Variants in NEGR1 observed in about 807,000 individuals in gnomAD.
NEGR1 encodes neuronal growth regulator 1, also known as IgLON family member 4.
Under a neutral mutation model 40.9 loss-of-function variants are expected in NEGR1, and 10 were observed. The observed-to-expected ratio is 0.24, with a 90% CI of 0.15 to 0.42. NEGR1 has a LOEUF of 0.42. Ranked by LOEUF, NEGR1 falls within the 10% of genes least tolerant of loss-of-function variation. The pLI is 1.00. For missense variants in NEGR1, 352 were observed against 438.9 expected, an observed-to-expected ratio of 0.80 and a Z score of 1.77; for synonymous variants, 185 against 166.8, an observed-to-expected ratio of 1.11 and a Z score of -0.84.
At chr1:71,909,026 A>G (rs1023781770) in intron 2 of NEGR1, among the ~76,000 whole-genome samples, 1 of 152,178 alleles carries the variant, frequency 6.6e-6, no homozygotes, top group African/African-American at 2.4e-5. Context: ...GTTTTTAAAC[A>G]TGCAACTCCC....
At chr1:71,798,732 A>C (rs537048576) in intron 2 of NEGR1, among the ~76,000 whole-genome samples, 2 of 152,286 alleles carry the variant, frequency 1.3e-5, no homozygotes, top group East Asian at 3.9e-4. Flanking sequence ...AGAAAACAAA[A>C]ACAGTAGAGC....
At chr1:71,888,258 G>A (rs1211576547) in intron 2 of NEGR1, among the ~76,000 whole-genome samples, 2 of 152,114 alleles carry the variant, frequency 1.3e-5, no homozygotes, top group African/African-American at 2.4e-5. Context: ...AGCTCCCAGC[G>A]TGAGCGACGC....
intron 1 of NEGR1, among the ~76,000 whole-genome samples, chr1:71,967,276 G>T (rs75345107): frequency 6.6e-6 from 1 of 152,044 alleles, no homozygotes; most frequent in East Asian, 1.9e-4. Context: ...GGATTATGAC[G>T]GTGGGAAAAG....
At chr1:71,519,900 TA>T (rs1383017835) in intron 6 of NEGR1, among the ~76,000 whole-genome samples, 1 of 152,098 alleles carries the variant, frequency 6.6e-6, no homozygotes, top group African/African-American at 2.4e-5. Context: ...GACCTGAGAC[TA>T]GGTGTGTGTA....
At chr1:72,194,641 C>G (rs1163021107) in intron 1 of NEGR1, among the ~76,000 whole-genome samples, 3 of 151,992 alleles carry the variant, frequency 2.0e-5, no homozygotes, top group Non-Finnish European at 4.4e-5. Flanking sequence ...GATGATGATA[C>G]CATGAAAGCA....
intron 1 of NEGR1, among the ~76,000 whole-genome samples, chr1:72,180,286 A>T (rs1652316942): frequency 1.3e-5 from 2 of 152,016 alleles, no homozygotes; most frequent in African/African-American, 4.8e-5. Context: ...ATGAAACTGT[A>T]CTCTTATATC....
chr1:71,861,518 T>C (rs141322181), intron 2 of NEGR1, among the ~76,000 whole-genome samples: 4 of 152,170 alleles, frequency 2.6e-5, no homozygotes, highest in African/African-American at 9.6e-5. Context: ...TCAGACTTAT[T>C]TCTTTCTCAT....
intron 2 of NEGR1, among the ~76,000 whole-genome samples, chr1:71,867,946 G>A (rs1015106702): frequency 3.3e-5 from 5 of 152,060 alleles, no homozygotes; most frequent in Admixed American, 3.3e-4. Flanking sequence ...ATTTTGTCCA[G>A]AAACTATTTT....
intron 3 of NEGR1, among the ~76,000 whole-genome samples, chr1:71,771,209 C>G (rs975925561): frequency 6.6e-6 from 1 of 152,202 alleles, no homozygotes; most frequent in East Asian, 1.9e-4. Context: ...AACAGAAAAC[C>G]AAACACCACA....
chr1:72,225,875 T>C (rs547990310), intron 1 of NEGR1, among the ~76,000 whole-genome samples: 115 of 151,914 alleles, frequency 7.6e-4, no homozygotes, highest in Admixed American at 1.2e-3. Flanking sequence ...TCACTTTTGA[T>C]GAAAGTGAAT....
chr1:71,746,772 GCACACA>G (rs57628799), intron 3 of NEGR1, among the ~76,000 whole-genome samples: 7 of 143,168 alleles, frequency 4.9e-5, no homozygotes, highest in South Asian at 2.2e-4. Context: ...ACACACACAC[GCACACA>G]CACACACACA....
Position 71,669,410 on chromosome 1 carries a change from T to C in NEGR1, c.667+28598A>G, listed in dbSNP as rs561757937. Among the ~76,000 whole-genome samples the C allele has an allele frequency of 1.0e-3, 154 of 152,218 alleles. 1 individual carries two copies. Among genetic ancestry groups the C allele is most frequent in the African/African-American group, 3.5e-3 (145 of 41,572 alleles). On this transcript the variant is annotated intron_variant, in intron 4 of 6. Coordinates refer to ENST00000357731, the MANE Select transcript of NEGR1 (RefSeq NM_173808.3). ...ACTTATTTTGTGTTCCATTTTCTCTTCTTTTTTACTTTCTGTAGAGTAGCT... is the reference window on the plus strand; with the variant it reads ...ACTTATTTTGTGTTCCATTTTCTCTCCTTTTTTACTTTCTGTAGAGTAGCT...
At chr1:71,575,589 C>G (rs181102756) in intron 6 of NEGR1, among the ~76,000 whole-genome samples, 4 of 152,158 alleles carry the variant, frequency 2.6e-5, no homozygotes, top group Non-Finnish European at 5.9e-5. Context: ...TGAGACCACC[C>G]TGGCTAACAT....
chr1:72,266,886 A>C (rs1198321591), intron 1 of NEGR1, among the ~76,000 whole-genome samples: 1 of 150,890 alleles, frequency 6.6e-6, no homozygotes, highest in African/African-American at 2.4e-5. Flanking sequence ...CCCACACAAG[A>C]CAGGGCAATA....
At chr1:72,092,181 G>T (rs962269076) in intron 1 of NEGR1, among the ~76,000 whole-genome samples, 1 of 152,044 alleles carries the variant, frequency 6.6e-6, no homozygotes, top group Non-Finnish European at 1.5e-5. Flanking sequence ...GGGCGCAGGT[G>T]GTATGTCTGG....
At chr1:72,180,488 T>G (rs1277829918) in intron 1 of NEGR1, among the ~76,000 whole-genome samples, 1 of 151,778 alleles carries the variant, frequency 6.6e-6, no homozygotes, top group East Asian at 1.9e-4. Flanking sequence ...ACTAAAAATC[T>G]TCTGCATAGT....
At chr1:71,978,451 A>T (rs1311223819) in intron 1 of NEGR1, among the ~76,000 whole-genome samples, 4 of 152,272 alleles carry the variant, frequency 2.6e-5, no homozygotes, top group Non-Finnish European at 5.9e-5. Flanking sequence ...CACTAGAAAG[A>T]TCATTGAAAA....
At chr1:72,239,472 G>T (rs2100511719) in intron 1 of NEGR1, among the ~76,000 whole-genome samples, 1 of 151,824 alleles carries the variant, frequency 6.6e-6, no homozygotes, top group African/African-American at 2.4e-5. Flanking sequence ...TCAACAGAAT[G>T]ATTTATTAAT....
Position 71,435,353 on chromosome 1 carries a change from G to C in NEGR1, c.941-27783C>G, listed in dbSNP as rs909792760. On this transcript the variant is annotated intron_variant, in intron 6 of 6. Transcript: ENST00000357731. ...CCTAGAGGACTTAATGCCAGCAAAGGGTGGTTTGATAATTTTAGAAAGAGA... is the reference window on the plus strand; with the variant it reads ...CCTAGAGGACTTAATGCCAGCAAAGCGTGGTTTGATAATTTTAGAAAGAGA... Among the ~76,000 whole-genome samples the C allele has an allele frequency of 4.6e-5, 7 of 152,024 alleles. No homozygotes were observed. In the South Asian group the frequency reaches 1.0e-3, roughly 23 times the overall value.
Sources: allele counts gnomAD v4.1 joint callset (sites outside exome capture counted in the v4.1 genomes callset), GRCh38; gene constraint gnomAD v4.1.1; transcripts MANE v1.5; gene names NCBI Gene and HGNC (gene_info 2026-07-23, HGNC 2026-07-21).